TASP1: variants seen among roughly 807,000 people sequenced by gnomAD.
TASP1 encodes the protein threonine aspartase 1.
A neutral mutation model predicts 56.6 loss-of-function variants in TASP1; 16 were observed. That is an observed-to-expected ratio of 0.28 (90% CI 0.19 to 0.43). TASP1 has a LOEUF of 0.43. Among genes scored for constraint, TASP1 ranks in the 20% least tolerant of loss-of-function variants. The pLI is 1.00. For synonymous variants in TASP1, 179 were observed against 184.2 expected (o/e 0.97, Z 0.23); for missense variants, 393 against 511.6 (o/e 0.77, Z 2.24).
chr20:13,562,324 C>T (rs971171554), intron 7 of TASP1, among the ~76,000 whole-genome samples: 3 of 151,944 alleles, frequency 2.0e-5, no homozygotes, highest in Non-Finnish European at 2.9e-5. Flanking sequence ...CAAACAACAA[C>T]CTAGCTTTAA....
chr20:13,288,008 T>C, the TASP1 span, among the ~76,000 whole-genome samples: 1 of 152,172 alleles, frequency 6.6e-6, no homozygotes, highest in African/African-American at 2.4e-5. Context: ...GTGTCTGTAG[T>C]CCATGTGGCT....
chr20:13,126,752 C>A, the TASP1 span: 6 of 1,610,632 alleles, frequency 3.7e-6, no homozygotes, highest in Non-Finnish European at 3.4e-6. Flanking sequence ...GCTCCTGGAC[C>A]TCTCTGTCTC....
At chr20:13,621,758 T>C (rs747678936) in intron 4 of TASP1, among the ~76,000 whole-genome samples, 48 of 152,198 alleles carry the variant, frequency 3.2e-4, no homozygotes, top group Middle Eastern at 3.2e-3. Context: ...TATATAAGTA[T>C]GACTTAGGAA....
chr20:13,296,973 ATGCCACTG>A, the TASP1 span, among the ~76,000 whole-genome samples: 317 of 152,220 alleles, frequency 2.1e-3, 2 homozygotes, highest in African/African-American at 7.2e-3. Context: ...AGCTGAGATC[ATGCCACTG>A]CATTCTAGCC....
chr20:13,357,626 G>A, the TASP1 span, among the ~76,000 whole-genome samples: 2 of 152,034 alleles, frequency 1.3e-5, no homozygotes, highest in Non-Finnish European at 2.9e-5. Context: ...ATACCATATA[G>A]CCCAGAATTT....
At chr20:13,304,726 C>T in the TASP1 span, among the ~76,000 whole-genome samples, 1 of 152,238 alleles carries the variant, frequency 6.6e-6, no homozygotes, top group Non-Finnish European at 1.5e-5. Flanking sequence ...CAATGAATAC[C>T]CCAACTCCCT....
At chr20:13,288,472 C>T in the TASP1 span, 1 of 1,517,298 alleles carries the variant, frequency 6.6e-7, no homozygotes, top group Non-Finnish European at 9.0e-7. Context: ...AATTGACAGG[C>T]TGCTTGATGG....
the TASP1 span, among the ~76,000 whole-genome samples, chr20:13,306,834 T>C: frequency 2.4e-4 from 37 of 152,102 alleles, no homozygotes; most frequent in Admixed American, 1.2e-3. Context: ...GGATGGGGAC[T>C]CTGGTCAAGA....
intron 8 of TASP1, among the ~76,000 whole-genome samples, chr20:13,542,954 A>G (rs938594772): frequency 2.7e-4 from 41 of 152,122 alleles, no homozygotes; most frequent in Non-Finnish European, 4.9e-4. Flanking sequence ...GGGGAAAAAA[A>G]CCAAAGAAAA....
At chr20:13,507,163 T>C (rs372962185) in intron 10 of TASP1, among the ~76,000 whole-genome samples, 39 of 152,262 alleles carry the variant, frequency 2.6e-4, no homozygotes, top group Non-Finnish European at 4.9e-4. Flanking sequence ...TAATCCCATT[T>C]ATAATAGCAT....
At chr20:13,371,175 C>T in the TASP1 span, among the ~76,000 whole-genome samples, 1 of 152,114 alleles carries the variant, frequency 6.6e-6, no homozygotes, top group Admixed American at 6.5e-5. Flanking sequence ...AATTCCCTCT[C>T]TAATCCTTAT....
At chr20:13,438,455 T>G (rs1237177150) in intron 11 of TASP1, among the ~76,000 whole-genome samples, 2 of 152,156 alleles carry the variant, frequency 1.3e-5, no homozygotes, top group African/African-American at 4.8e-5. Context: ...TAGCCATATG[T>G]AGAAAGCTGA....
chr20:13,439,297 A>G (rs1461215737), intron 11 of TASP1, among the ~76,000 whole-genome samples: 1 of 152,244 alleles, frequency 6.6e-6, no homozygotes, highest in East Asian at 1.9e-4. Flanking sequence ...AAAATGTGGC[A>G]CATATACACC....
At chr20:13,562,885 A>T (rs1335708798) in intron 7 of TASP1, among the ~76,000 whole-genome samples, 1 of 148,242 alleles carries the variant, frequency 6.7e-6, no homozygotes, top group Non-Finnish European at 1.5e-5. Context: ...AAAAAAAAAA[A>T]AAAAATTATA....
At chr20:13,609,755 A>G (rs905775543) in intron 4 of TASP1, among the ~76,000 whole-genome samples, 1 of 152,014 alleles carries the variant, frequency 6.6e-6, no homozygotes, top group African/African-American at 2.4e-5. Flanking sequence ...TTTCACTTCT[A>G]GGTATATACC....
the TASP1 span, among the ~76,000 whole-genome samples, chr20:13,194,325 T>G: frequency 2.6e-4 from 40 of 152,308 alleles, no homozygotes; most frequent in African/African-American, 9.4e-4. Context: ...GCAAAAGACA[T>G]GCAAAATCCC....
At chr20:13,434,293 C>T (rs1384704611) in intron 12 of TASP1, among the ~76,000 whole-genome samples, 13 of 152,042 alleles carry the variant, frequency 8.6e-5, no homozygotes, top group Non-Finnish European at 1.5e-5. Flanking sequence ...AAATAGTGCC[C>T]CTGCTAGTGC....
the TASP1 span, among the ~76,000 whole-genome samples, chr20:13,237,159 G>A: frequency 2.0e-5 from 3 of 152,156 alleles, no homozygotes; most frequent in African/African-American, 7.2e-5. Flanking sequence ...TGAGAATTCT[G>A]GGAGATACAA....
the TASP1 span, among the ~76,000 whole-genome samples, chr20:13,128,777 A>G: frequency 2.7e-5 from 4 of 150,420 alleles, no homozygotes; most frequent in Admixed American, 6.6e-5. Flanking sequence ...TACAACCTCC[A>G]CCTCCCAGAC....
Sources: gnomAD v4.1 joint callset for allele counts (sites outside exome capture counted in the v4.1 genomes callset) on GRCh38, gnomAD v4.1.1 for gene constraint, MANE v1.5 for transcripts, NCBI Gene and HGNC (gene_info 2026-07-23, HGNC 2026-07-21) for gene names.